Variants in NLGN1 observed in about 807,000 individuals in gnomAD.
NLGN1 encodes neuroligin-1.
In NLGN1, 12 loss-of-function variants were observed where a neutral mutation model predicts 65.5. The observed-to-expected ratio is 0.18, with a 90% CI of 0.12 to 0.30. NLGN1 has a LOEUF of 0.30. Ranked by LOEUF, NLGN1 falls within the 10% of genes least tolerant of loss-of-function variation. NLGN1 has a pLI of 1.00. For synonymous variants in NLGN1, 350 were observed against 359.5 expected (o/e 0.97, Z 0.30); for missense variants, 750 against 1,007.1 (o/e 0.74, Z 3.46).
At chr3:174,089,698 G>T (rs1344998451) in intron 4 of NLGN1, among the ~76,000 whole-genome samples, 1 of 152,008 alleles carries the variant, frequency 6.6e-6, no homozygotes, top group Non-Finnish European at 1.5e-5. Flanking sequence ...TATTATGAAG[G>T]GTGAGACTGC....
At chr3:174,124,573 A>G (rs1268773130) in intron 4 of NLGN1, among the ~76,000 whole-genome samples, 1 of 122,926 alleles carries the variant, frequency 8.1e-6, no homozygotes, top group Non-Finnish European at 1.6e-5. Context: ...ATATACGTAT[A>G]CACATATATA....
intron 4 of NLGN1, among the ~76,000 whole-genome samples, chr3:173,993,318 T>C (rs1468355957): frequency 1.3e-5 from 2 of 152,232 alleles, no homozygotes; most frequent in Non-Finnish European, 1.5e-5. Context: ...GTTGTTCATG[T>C]TGCCATTTGC....
intron 4 of NLGN1, among the ~76,000 whole-genome samples, chr3:173,906,806 G>A (rs1738483925): frequency 1.4e-5 from 2 of 147,952 alleles, no homozygotes; most frequent in African/African-American, 5.0e-5. Flanking sequence ...CTATGATCGT[G>A]CCTATGATTA....
intron 3 of NLGN1, among the ~76,000 whole-genome samples, chr3:173,677,681 GATAC>G (rs1265718994): frequency 1.3e-5 from 2 of 151,974 alleles, no homozygotes; most frequent in Non-Finnish European, 2.9e-5. Flanking sequence ...GATAGATATA[GATAC>G]ATACATATTT....
At chr3:173,615,711 A>C (rs1056087957) in intron 3 of NLGN1, among the ~76,000 whole-genome samples, 1 of 151,622 alleles carries the variant, frequency 6.6e-6, no homozygotes, top group Admixed American at 6.6e-5. Context: ...TGCTCTGCCA[A>C]GAAGCAATGG....
intron 4 of NLGN1, among the ~76,000 whole-genome samples, chr3:173,988,749 T>C (rs1720479331): frequency 6.6e-6 from 1 of 152,096 alleles, no homozygotes; most frequent in African/African-American, 2.4e-5. Context: ...CTCCAAATAT[T>C]TTTTATCTAG....
intron 4 of NLGN1, among the ~76,000 whole-genome samples, chr3:173,891,269 A>G (rs1440821013): frequency 1.3e-5 from 2 of 152,172 alleles, no homozygotes; most frequent in Non-Finnish European, 2.9e-5. Flanking sequence ...AAAATAGCAA[A>G]TATATAGCCT....
At chr3:173,992,776 A>G (rs374096606) in intron 4 of NLGN1, among the ~76,000 whole-genome samples, 16 of 152,224 alleles carry the variant, frequency 1.1e-4, no homozygotes, top group African/African-American at 3.4e-4. Flanking sequence ...CATATAGTCT[A>G]TAAGTCTGTT....
chr3:174,156,555 T>A (rs1725470658), intron 4 of NLGN1, among the ~76,000 whole-genome samples: 1 of 151,798 alleles, frequency 6.6e-6, no homozygotes, highest in Admixed American at 6.6e-5. Context: ...AATTAATAGA[T>A]TTGAGAGTAA....
At chr3:174,133,893 A>AACACACACACACACACACACACACACAC (rs5854553) in intron 4 of NLGN1, among the ~76,000 whole-genome samples, 1 of 144,804 alleles carries the variant, frequency 6.9e-6, no homozygotes, top group Non-Finnish European at 1.5e-5. Context: ...CACCCCACAA[A>AACACACACACACACACACACACACACAC]ACACACACAC....
At position 173,915,108 on chromosome 3, in the gene NLGN1, C is replaced by T. The variant is rs370455396; in HGVS notation, c.646+107276C>T. The T allele has an allele frequency of 3.9e-5, 6 of 152,306 alleles. No homozygotes were observed. The South Asian group carries it at 6.2e-4, about 16-fold the overall frequency. 9.4% of individuals were successfully genotyped at this position (152,306 alleles called of 1,614,324 possible). ...AGCAACATATTAACAGGACCAAGAT[C>T]ACAGGCGTGGATATCTTGGGGCCAG... On this transcript the variant is annotated intron_variant, in intron 4 of 6. Transcript: ENST00000457714.
chr3:173,690,161 A>G (rs929984607), intron 3 of NLGN1, among the ~76,000 whole-genome samples: 64 of 152,226 alleles, frequency 4.2e-4, no homozygotes, highest in Non-Finnish European at 1.3e-4. Flanking sequence ...CACTTAAAAA[A>G]GAAAATGAAC....
intron 4 of NLGN1, among the ~76,000 whole-genome samples, chr3:174,019,044 A>C (rs1398707317): frequency 6.6e-6 from 1 of 151,754 alleles, no homozygotes; most frequent in African/African-American, 2.4e-5. Context: ...CAAGTGTCAC[A>C]AAATGGAGTA....
At chr3:173,824,084 CA>C (rs1185683272) in intron 4 of NLGN1, among the ~76,000 whole-genome samples, 3 of 152,042 alleles carry the variant, frequency 2.0e-5, no homozygotes, top group African/African-American at 7.2e-5. Context: ...AGATGATTCA[CA>C]AAGACACAAA....
chr3:173,465,215 A>G (rs1204384997), intron 2 of NLGN1, among the ~76,000 whole-genome samples: 1 of 152,242 alleles, frequency 6.6e-6, no homozygotes, highest in Non-Finnish European at 1.5e-5. Context: ...CTGACACAGC[A>G]TCACAGAGGA....
Position 174,023,241 on chromosome 3 carries a change from C to T in NLGN1, c.646+215409C>T, listed in dbSNP as rs747565969. ...ACATGTAACAACACCTCACTTAGCT[C>T]GTGAGTTAAATAGTATCATTTCCAT... is the stretch of plus-strand genomic sequence containing the variant. On this transcript the variant is annotated intron_variant, in intron 4 of 6. Coordinates refer to ENST00000457714, the Ensembl canonical transcript of NLGN1. Among the ~76,000 whole-genome samples, 9 of 152,098 alleles carry T rather than the reference C, an allele frequency of 5.9e-5. No individual in the cohort carries two copies. In the East Asian group the frequency reaches 7.7e-4, roughly 13 times the overall value.
intron 4 of NLGN1, among the ~76,000 whole-genome samples, chr3:174,256,707 T>C (rs1433905510): frequency 2.0e-5 from 3 of 152,212 alleles, no homozygotes; most frequent in Admixed American, 2.0e-4. Context: ...CTTCAGTTTC[T>C]GTTTCCTGTA....
chr3:174,222,221 AT>A, intron 4 of NLGN1, among the ~76,000 whole-genome samples: 2 of 152,168 alleles, frequency 1.3e-5, no homozygotes, highest in Admixed American at 1.3e-4. Context: ...GCGGTCTGTG[AT>A]TTTATGGTAT....
At chr3:173,843,000 A>G (rs900647750) in intron 4 of NLGN1, among the ~76,000 whole-genome samples, 2 of 152,196 alleles carry the variant, frequency 1.3e-5, no homozygotes, top group Admixed American at 6.5e-5. Flanking sequence ...AGGCGTTTCC[A>G]TACATCTTCT....
Sources: gnomAD v4.1 joint callset for allele counts (sites outside exome capture counted in the v4.1 genomes callset) on GRCh38, gnomAD v4.1.1 for gene constraint, MANE v1.5 for transcripts, NCBI Gene and HGNC (gene_info 2026-07-23, HGNC 2026-07-21) for gene names.